The following RHOT1 variants were observed in gnomAD, a reference collection of about 807,000 sequenced individuals.
The protein encoded by RHOT1 is ras homolog family member T1.
In RHOT1, 27 loss-of-function variants were observed where a neutral mutation model predicts 95.3. The observed-to-expected ratio is 0.28, with a 90% CI of 0.21 to 0.39. The LOEUF (loss-of-function observed/expected upper bound fraction) is 0.39, where lower values mean the gene tolerates loss of function less well. Among genes scored for constraint, RHOT1 ranks in the 10% least tolerant of loss-of-function variants. The pLI is 1.00. For missense variants in RHOT1, 578 were observed against 786.7 expected, an observed-to-expected ratio of 0.73 and a Z score of 3.17; for synonymous variants, 227 against 263.5, an observed-to-expected ratio of 0.86 and a Z score of 1.34.
intron 8 of RHOT1, among the ~76,000 whole-genome samples, chr17:32,186,790 A>G (rs1032730871): frequency 6.6e-5 from 10 of 152,086 alleles, no homozygotes; most frequent in Non-Finnish European, 1.3e-4. Context: ...CCTCCTAAGT[A>G]GCTGGGACTA....
chr17:32,172,781 G>C lies in RHOT1; in HGVS notation c.97-1050G>C, dbSNP rs138711859. On this transcript the variant is annotated intron_variant, in intron 2 of 19. Transcript: ENST00000545287. Reference sequence around the variant, plus strand: ...AGGGGCAGAGCTTGCAGTGAGCTGAGATCGTGCCATTGCACTCCAGCCTGG... The same window carrying C: ...AGGGGCAGAGCTTGCAGTGAGCTGACATCGTGCCATTGCACTCCAGCCTGG... 2.6e-5 allele frequency among the ~76,000 whole-genome samples: 4 copies of C among 152,374 alleles called. No homozygotes were observed. The East Asian group carries it at 7.7e-4, about 29-fold the overall frequency.
chr17:32,191,091 A>T (rs1013687419), intron 8 of RHOT1, among the ~76,000 whole-genome samples: 23 of 152,138 alleles, frequency 1.5e-4, no homozygotes, highest in African/African-American at 5.6e-4. Context: ...CACCGCGCCC[A>T]GCCTCAAATG....
At chr17:32,152,115 C>T (rs1306738494) in intron 1 of RHOT1, among the ~76,000 whole-genome samples, 2 of 152,128 alleles carry the variant, frequency 1.3e-5, no homozygotes, top group African/African-American at 4.8e-5. Context: ...ATAACTTAAA[C>T]AGAATTGCCC....
intron 1 of RHOT1, among the ~76,000 whole-genome samples, chr17:32,146,612 ATTT>A (rs778057684): frequency 1.6e-5 from 2 of 127,436 alleles, no homozygotes; most frequent in African/African-American, 5.9e-5. Context: ...CGCCCGGCTA[ATTT>A]TTTTTTTTTT....
At chr17:32,192,817 A>G (rs972275827) in intron 9 of RHOT1, among the ~76,000 whole-genome samples, 2 of 151,924 alleles carry the variant, frequency 1.3e-5, no homozygotes, top group Admixed American at 6.6e-5. Flanking sequence ...GACTACAGGC[A>G]TGCGCCACAA....
At chr17:32,175,918 T>G in intron 4 of RHOT1, 44 bp from the exon 5 acceptor site, 1 of 1,357,182 alleles carries the variant, frequency 7.4e-7, no homozygotes, top group South Asian at 1.4e-5. Context: ...TGTCTATGTT[T>G]TTATTATTTT....
At chr17:32,149,994 A>G (rs1044689394) in intron 1 of RHOT1, among the ~76,000 whole-genome samples, 6 of 152,016 alleles carry the variant, frequency 3.9e-5, no homozygotes, top group Non-Finnish European at 8.8e-5. Context: ...CAATTGATCC[A>G]CGTGCCTCAG....
At chr17:32,151,860 C>T (rs7211032) in intron 1 of RHOT1, among the ~76,000 whole-genome samples, 4,516 of 135,518 alleles carry the variant, frequency 0.033, 243 homozygotes, top group African/African-American at 0.12. Context: ...CCAGCCTGGG[C>T]GACAGAGCGA....
chr17:32,155,765 C>T (rs1178436789), intron 1 of RHOT1, among the ~76,000 whole-genome samples: 1 of 151,836 alleles, frequency 6.6e-6, no homozygotes, highest in Non-Finnish European at 1.5e-5. Flanking sequence ...TGATCTTGAA[C>T]TCTTGGGCTC....
intron 19 of RHOT1, among the ~76,000 whole-genome samples, chr17:32,215,084 T>C (rs1182027502): frequency 6.6e-6 from 1 of 151,864 alleles, no homozygotes; most frequent in Non-Finnish European, 1.5e-5. Flanking sequence ...TTTTTGTATT[T>C]TTAGTTTCGC....
chr17:32,193,353 A>G (rs952291117), intron 10 of RHOT1, 109 bp downstream of exon 10: 15 of 713,616 alleles, frequency 2.1e-5, no homozygotes, highest in Non-Finnish European at 2.9e-5. Context: ...GTTAATATTT[A>G]CTAGTATGCC....
chr17:32,220,311 A>C (rs2038748098), intron 19 of RHOT1, among the ~76,000 whole-genome samples: 1 of 152,214 alleles, frequency 6.6e-6, no homozygotes, highest in South Asian at 2.1e-4. Context: ...ACGGTGAGCT[A>C]GGATTGCACC....
chr17:32,149,635 A>ATGTGTGTGTGTGTGTGTG lies in RHOT1; in HGVS notation c.37+6916_37+6933dup, dbSNP rs1300585666. The stretch of plus-strand genomic sequence containing the variant: ...TATATATATATATATATATATATAT[A>ATGTGTGTGTGTGTGTGTG]TGTGTGTGTGTGTGTGTGTGTGTGT... On this transcript the variant is annotated intron_variant, in intron 1 of 19. Transcript: ENST00000545287. Among the ~76,000 whole-genome samples, 225 of 59,006 alleles carry ATGTGTGTGTGTGTGTGTG rather than the reference A, an allele frequency of 3.8e-3. 3 individuals carry two copies. Among genetic ancestry groups the ATGTGTGTGTGTGTGTGTG allele is most frequent in the Middle Eastern group, 0.015 (1 of 66 alleles). The allele number at this position is 59,006 out of a possible 152,430, so 38.7% of individuals were successfully genotyped here.
chr17:32,154,137 TAA>T (rs759420536), intron 1 of RHOT1, among the ~76,000 whole-genome samples: 9 of 132,820 alleles, frequency 6.8e-5, no homozygotes, highest in Admixed American at 7.6e-5. Flanking sequence ...ACTTTGTCTC[TAA>T]AAAAAAAAAA....
At chr17:32,151,205 A>G (rs867588685) in intron 1 of RHOT1, 1 of 757,694 alleles carries the variant, frequency 1.3e-6, no homozygotes, top group Middle Eastern at 2.8e-4. Flanking sequence ...GTCTGGGAAC[A>G]TGGTCTGGCT....
Position 32,204,982 on chromosome 17 carries a change from C to CA in RHOT1, c.1416+1023dup, listed in dbSNP as rs34989749. Among the ~76,000 whole-genome samples the CA allele has an allele frequency of 9.1e-3, 1,084 of 118,554 alleles. 8 individuals are homozygous for CA. The highest frequency in any genetic ancestry group is 0.025 in the African/African-American group (819 of 32,584). 77.8% of individuals were successfully genotyped at this position (118,554 alleles called of 152,430 possible). A position where few individuals can be genotyped will look rare whatever the true frequency, so the allele number is the denominator to read the frequency against. Reference sequence around the variant, plus strand: ...TGGGCAACAAAGTGAGACTCCGTCTCAAAAAAAAAAAAAAGTCGAAAAAAC... The same window carrying CA: ...TGGGCAACAAAGTGAGACTCCGTCTCAAAAAAAAAAAAAAAGTCGAAAAAAC... On this transcript the variant is annotated intron_variant, in intron 16 of 19. Coordinates refer to ENST00000545287, the MANE Select transcript of RHOT1 (RefSeq NM_001033566.3).
At chr17:32,161,495 CA>C (rs1490324598) in intron 1 of RHOT1, among the ~76,000 whole-genome samples, 2 of 152,230 alleles carry the variant, frequency 1.3e-5, no homozygotes, top group South Asian at 2.1e-4. Flanking sequence ...TGTATCTTAG[CA>C]GAATTCAGGT....
chr17:32,202,630 G>A, intron 14 of RHOT1, 140 bp from the exon 15 acceptor site: 1 of 622,264 alleles, frequency 1.6e-6, no homozygotes, highest in Non-Finnish European at 2.7e-6. Context: ...CTTGACTGTT[G>A]TACAATATGT....
intron 19 of RHOT1, among the ~76,000 whole-genome samples, chr17:32,212,386 T>A (rs2038191688): frequency 6.6e-6 from 1 of 152,220 alleles, no homozygotes; most frequent in South Asian, 2.1e-4. Flanking sequence ...TTTGAAGGGA[T>A]CACCGCACCC....
Sources: allele counts gnomAD v4.1 joint callset (sites outside exome capture counted in the v4.1 genomes callset), GRCh38; gene constraint gnomAD v4.1.1; transcripts MANE v1.5; gene names NCBI Gene and HGNC (gene_info 2026-07-23, HGNC 2026-07-21).